UNC13C: variants seen among roughly 807,000 people sequenced by gnomAD.
UNC13C encodes the protein unc-13 homolog C.
Under a neutral mutation model 245.4 loss-of-function variants are expected in UNC13C, and 174 were observed. That is an observed-to-expected ratio of 0.71 (90% CI 0.63 to 0.80). The LOEUF (loss-of-function observed/expected upper bound fraction) is 0.80. UNC13C is among the 30% of genes least tolerant of loss of function. UNC13C has a pLI of 0.00. For synonymous variants in UNC13C, 992 were observed against 895.1 expected, an observed-to-expected ratio of 1.11 and a Z score of -1.93; for missense variants, 2,829 against 2,602.9, an observed-to-expected ratio of 1.09 and a Z score of -1.89.
chr15:54,083,835 G>T (rs1899089132), intron 2 of UNC13C, among the ~76,000 whole-genome samples: 1 of 152,158 alleles, frequency 6.6e-6, no homozygotes, highest in Non-Finnish European at 1.5e-5. Flanking sequence ...CGTCTTGGGG[G>T]CAGAGATTTC....
chr15:54,491,097 C>T (rs1209015639), intron 19 of UNC13C, among the ~76,000 whole-genome samples: 1 of 152,176 alleles, frequency 6.6e-6, no homozygotes, highest in Non-Finnish European at 1.5e-5. Flanking sequence ...ATTTCCAATG[C>T]CTCACATGCA....
intron 19 of UNC13C, among the ~76,000 whole-genome samples, chr15:54,446,867 C>T (rs1890844697): frequency 6.6e-6 from 1 of 152,122 alleles, no homozygotes; most frequent in African/African-American, 2.4e-5. Context: ...CTGTCTTGTG[C>T]CAGTTTTCAA....
At chr15:54,278,244 G>C (rs2036885900) in intron 10 of UNC13C, among the ~76,000 whole-genome samples, 1 of 151,946 alleles carries the variant, frequency 6.6e-6, no homozygotes, top group Non-Finnish European at 1.5e-5. Context: ...CTCCTTATGA[G>C]TATGGATCTT....
chr15:53,916,509 G>A, the UNC13C span, among the ~76,000 whole-genome samples: 26 of 152,326 alleles, frequency 1.7e-4, no homozygotes, highest in South Asian at 6.2e-4. Context: ...AATGGGAAAG[G>A]CCAGGACTTG....
chr15:54,559,641 G>A (rs1220476844), intron 29 of UNC13C, among the ~76,000 whole-genome samples: 1 of 151,978 alleles, frequency 6.6e-6, no homozygotes, highest in Admixed American at 6.6e-5. Context: ...GGATGGGGGA[G>A]GGCAGAGAGG....
At chr15:54,469,562 A>G (rs1243156785) in intron 19 of UNC13C, among the ~76,000 whole-genome samples, 2 of 151,600 alleles carry the variant, frequency 1.3e-5, no homozygotes. Context: ...TTTGCATATA[A>G]TTAATGCATA....
chr15:54,061,171 A>G lies in UNC13C; in HGVS notation c.2983+45285A>G, dbSNP rs184333359. Among the ~76,000 whole-genome samples the G allele has an allele frequency of 3.7e-3, 560 of 152,230 alleles. 1 individual carries two copies. Among genetic ancestry groups the G allele is most frequent in the Admixed American group, 6.4e-3 (98 of 15,284 alleles). ...TAAAAAATAAAAAAGACAAAAAAAA[A>G]AGAAATTAACATCTTAGGAGCAACC... On this transcript the variant is annotated intron_variant, in intron 2 of 32. Coordinates refer to ENST00000260323, the MANE Select transcript of UNC13C (RefSeq NM_001080534.3).
chr15:53,942,580 G>T, the UNC13C span, among the ~76,000 whole-genome samples: 2 of 150,406 alleles, frequency 1.3e-5, no homozygotes, highest in African/African-American at 4.9e-5. Context: ...AAAAAAAAAA[G>T]AATTAGTTCA....
At chr15:54,165,928 A>G (rs2033148906) in intron 4 of UNC13C, among the ~76,000 whole-genome samples, 1 of 151,982 alleles carries the variant, frequency 6.6e-6, no homozygotes, top group African/African-American at 2.4e-5. Context: ...ATTATTTTTA[A>G]CAGGTGAATT....
At chr15:54,012,105 T>C (rs1895406137) in intron 1 of UNC13C, among the ~76,000 whole-genome samples, 1 of 152,244 alleles carries the variant, frequency 6.6e-6, no homozygotes, top group South Asian at 2.1e-4. Flanking sequence ...CGTTATTTTC[T>C]TTTTCTTCAC....
chr15:54,415,892 G>A (rs1282052674), intron 19 of UNC13C, among the ~76,000 whole-genome samples: 1 of 152,096 alleles, frequency 6.6e-6, no homozygotes, highest in Non-Finnish European at 1.5e-5. Flanking sequence ...TGGGGCTAGG[G>A]GACAAGGCAG....
chr15:54,128,018 C>T (rs1181218997), intron 2 of UNC13C, among the ~76,000 whole-genome samples: 1 of 151,808 alleles, frequency 6.6e-6, no homozygotes, highest in Non-Finnish European at 1.5e-5. Context: ...CTAGGATATC[C>T]TAAAGACTCT....
At chr15:53,908,352 A>G in the UNC13C span, among the ~76,000 whole-genome samples, 4 of 146,636 alleles carry the variant, frequency 2.7e-5, no homozygotes, top group African/African-American at 9.7e-5. Context: ...ACAAGTTCAC[A>G]TACACTCTTA....
chr15:53,948,028 AG>A, the UNC13C span: 1 of 152,230 alleles, frequency 6.6e-6, no homozygotes, highest in Non-Finnish European at 1.5e-5. Context: ...TAGCGCAATT[AG>A]GTGAACATAT....
intron 1 of UNC13C, among the ~76,000 whole-genome samples, chr15:53,991,589 C>CA (rs1894391500): frequency 6.6e-6 from 1 of 151,900 alleles, no homozygotes; most frequent in African/African-American, 2.4e-5. Flanking sequence ...ACCTTCTAAT[C>CA]ATCCATTATT....
At chr15:53,901,807 G>T in the UNC13C span, among the ~76,000 whole-genome samples, 7 of 152,046 alleles carry the variant, frequency 4.6e-5, no homozygotes, top group Non-Finnish European at 8.8e-5. Context: ...AAGACATTTG[G>T]ATATTCTCAT....
chr15:53,998,111 T>C (rs1314270549), intron 1 of UNC13C, among the ~76,000 whole-genome samples: 2 of 152,132 alleles, frequency 1.3e-5, no homozygotes, highest in African/African-American at 4.8e-5. Context: ...CCCAATCTTG[T>C]TCTTTTTATA....
chr15:54,334,141 T>G (rs539138147), intron 16 of UNC13C, among the ~76,000 whole-genome samples: 1 of 152,242 alleles, frequency 6.6e-6, no homozygotes, highest in South Asian at 2.1e-4. Context: ...CTTAAAAAAT[T>G]TCCAAAGAAT....
the UNC13C span, among the ~76,000 whole-genome samples, chr15:53,892,852 C>T: frequency 6.6e-6 from 1 of 152,064 alleles, no homozygotes; most frequent in African/African-American, 2.4e-5. Context: ...TTATTACCCA[C>T]CTTTTGAAGC....
Sources: allele counts gnomAD v4.1 joint callset (sites outside exome capture counted in the v4.1 genomes callset), GRCh38; gene constraint gnomAD v4.1.1; transcripts MANE v1.5; gene names NCBI Gene and HGNC (gene_info 2026-07-23, HGNC 2026-07-21).